FAT1: variants seen among roughly 807,000 people sequenced by gnomAD.
The protein encoded by FAT1 is FAT atypical cadherin 1, also known as protocadherin Fat 1.
Under a neutral mutation model 329.8 loss-of-function variants are expected in FAT1, and 171 were observed. That is an observed-to-expected ratio of 0.52 (90% CI 0.46 to 0.59). The LOEUF (loss-of-function observed/expected upper bound fraction) is 0.59. FAT1 is among the 20% of genes least tolerant of loss of function. FAT1 has a pLI of 0.00. For synonymous variants in FAT1, 2,233 were observed against 2,228.6 expected (o/e 1.00, Z -0.06); for missense variants, 5,672 against 5,774.4 (o/e 0.98, Z 0.57).
chr4:186,603,962 T>C lies in FAT1; in HGVS notation c.10564A>G (p.Lys3522Glu), dbSNP rs1165558068. The C allele has an allele frequency of 1.2e-6, 2 of 1,610,198 alleles. No individual in the cohort carries two copies. The highest frequency in any genetic ancestry group is 1.7e-5 in the Admixed American group (1 of 59,924). ...TATGTCAAAGATGACAACTGAGGCTTTCCATTATCTGCCACCTACAAGAAA... is the reference window on the plus strand; with the variant it reads ...TATGTCAAAGATGACAACTGAGGCTCTCCATTATCTGCCACCTACAAGAAA... ...LLQVKVADNGKPQLSSLTYID... is the reference protein window; with the variant it reads ...LLQVKVADNGEPQLSSLTYID... The change falls in exon 19 of 27, where the codon AAG becomes GAG. Residue 3522 changes from lysine (K) to glutamate (E), a missense_variant. Around this residue, in one of 2 missense-constraint regions of FAT1, gnomAD observed 1,706 missense variants for 1,859.1 expected, o/e 0.92. Coordinates refer to ENST00000441802, the MANE Select transcript of FAT1 (RefSeq NM_005245.4).
intron 11 of FAT1, among the ~76,000 whole-genome samples, chr4:186,614,622 T>C (rs1390237920): frequency 2.6e-5 from 4 of 152,340 alleles, no homozygotes; most frequent in African/African-American, 7.2e-5. Context: ...ATTAAGCTGA[T>C]TTCATATTCA....
intron 1 of FAT1, among the ~76,000 whole-genome samples, chr4:186,721,096 A>C (rs574548660): frequency 5.5e-4 from 84 of 152,248 alleles, no homozygotes; most frequent in Non-Finnish European, 1.1e-3. Context: ...TCTATGAAGG[A>C]TACAGATTAA....
chr4:186,661,255 C>T (rs1171322973), intron 3 of FAT1, among the ~76,000 whole-genome samples: 1 of 152,188 alleles, frequency 6.6e-6, no homozygotes. Context: ...GGGCCACCTG[C>T]CACTCTCCTT....
intron 2 of FAT1, among the ~76,000 whole-genome samples, chr4:186,703,554 A>C (rs1357916570): frequency 6.6e-6 from 1 of 152,250 alleles, no homozygotes; most frequent in African/African-American, 2.4e-5. Context: ...CAAAGACAAG[A>C]AGCAAACAGT....
intron 16 of FAT1, 104 bp from the exon 17 acceptor site, chr4:186,606,317 T>C: frequency 7.6e-7 from 1 of 1,309,862 alleles, no homozygotes; most frequent in Admixed American, 2.1e-5. Context: ...CCCAGTGAGC[T>C]ACCACTATCT....
intron 3 of FAT1, among the ~76,000 whole-genome samples, chr4:186,653,493 A>G (rs1195399803): frequency 6.6e-6 from 1 of 152,182 alleles, no homozygotes; most frequent in Admixed American, 6.5e-5. Context: ...CAGAAATATA[A>G]AAGTCTATCC....
intron 4 of FAT1, among the ~76,000 whole-genome samples, chr4:186,638,131 C>G (rs1056696508): frequency 6.6e-6 from 1 of 152,208 alleles, no homozygotes; most frequent in Non-Finnish European, 1.5e-5. Context: ...ACAGCCAAAT[C>G]AATGCCAGCA....
chr4:186,618,661 A>G lies in FAT1; in HGVS notation c.7925T>C (p.Val2642Ala), dbSNP rs1739853422. 6.2e-7 allele frequency: 1 copy of G among 1,613,880 alleles called. No homozygotes were observed. Among genetic ancestry groups the G allele is most frequent in the African/African-American group, 1.3e-5 (1 of 74,912 alleles). ...TYAIEADSES[V>A]KENLEINKLS... is the part of the protein sequence containing the mutation. Reference sequence around the variant, plus strand: ...TTTGTTAATTTCCAAATTCTCTTTTACACTTTCAGAGTCTGCTTCAATGGC... The same window carrying G: ...TTTGTTAATTTCCAAATTCTCTTTTGCACTTTCAGAGTCTGCTTCAATGGC... The change falls in exon 10 of 27, where the codon GTA becomes GCA. Residue 2642 changes from valine (V) to alanine (A), a missense_variant. Around this residue, in one of 2 missense-constraint regions of FAT1, gnomAD observed 3,966 missense variants for 3,915.2 expected, o/e 1.01. Transcript: ENST00000441802.
chr4:186,594,199 G>C (rs1738381480), intron 26 of FAT1, among the ~76,000 whole-genome samples: 1 of 151,926 alleles, frequency 6.6e-6, no homozygotes, highest in Non-Finnish European at 1.5e-5. Context: ...CCCAGTAGCT[G>C]GGAGTACAGG....
chr4:186,615,987 T>C (rs1739692408), intron 11 of FAT1, among the ~76,000 whole-genome samples: 1 of 152,068 alleles, frequency 6.6e-6, no homozygotes, highest in East Asian at 1.9e-4. Flanking sequence ...CAGACTCCTC[T>C]TTGCCACGGC....
rs560092755 is a variant in FAT1 at position 186,720,186 on chromosome 4, C to T, written c.-19+3478G>A. On this transcript the variant is annotated intron_variant, in intron 1 of 26. Transcript: ENST00000441802. Reference sequence around the variant, plus strand: ...TGTAACATCTTGACCTCTTCCCTTCCGAAAGATAATGCAAACATTACTATT... The same window carrying T: ...TGTAACATCTTGACCTCTTCCCTTCTGAAAGATAATGCAAACATTACTATT... Among the ~76,000 whole-genome samples the T allele has an allele frequency of 2.3e-4, 35 of 152,306 alleles. 2 individuals carry two copies. The South Asian group carries it at 3.9e-3, about 17-fold the overall frequency.
rs1181896641 is a variant in FAT1 at position 186,706,890 on chromosome 4, T to C, written c.2938A>G (p.Ser980Gly). 2.5e-6 allele frequency: 4 copies of C among 1,613,994 alleles called. No individual in the cohort carries two copies. Among genetic ancestry groups the C allele is most frequent in the Non-Finnish European group, 3.4e-6 (4 of 1,179,888 alleles). ...GEGNFDVDKL[S>G]GAVRIVQQLD... Reference sequence around the variant, plus strand: ...TGCTGGACGATCCTAACTGCTCCACTGAGTTTATCCACATCGAAGTTTCCT... The same window carrying C: ...TGCTGGACGATCCTAACTGCTCCACCGAGTTTATCCACATCGAAGTTTCCT... Residue 980 changes from serine to glycine, a missense_variant, in exon 2 of 27, where the codon AGT (serine) becomes GGT (glycine). Ser to Gly is a moderately conservative substitution (Grantham distance 56). Around this residue, in one of 2 missense-constraint regions of FAT1, gnomAD observed 3,966 missense variants for 3,915.2 expected, o/e 1.01. Coordinates refer to ENST00000441802, the MANE Select transcript of FAT1 (RefSeq NM_005245.4).
At chr4:186,720,910 T>C (rs1745443685) in intron 1 of FAT1, among the ~76,000 whole-genome samples, 1 of 152,084 alleles carries the variant, frequency 6.6e-6, no homozygotes, top group South Asian at 2.1e-4. Flanking sequence ...TAACAGAAAA[T>C]CCAGGCACAA....
intron 2 of FAT1, among the ~76,000 whole-genome samples, chr4:186,705,428 A>G (rs1744533668): frequency 6.6e-6 from 1 of 152,164 alleles, no homozygotes; most frequent in South Asian, 2.1e-4. Flanking sequence ...CAGATTTATA[A>G]AGTACACATG....
intron 2 of FAT1, among the ~76,000 whole-genome samples, chr4:186,673,713 TATTA>T (rs1444501035): frequency 1.3e-5 from 2 of 152,232 alleles, no homozygotes; most frequent in African/African-American, 4.8e-5. Flanking sequence ...TAAAACGTAG[TATTA>T]ATTAAGTACA....
At chr4:186,643,077 T>G (rs1378219110) in intron 3 of FAT1, among the ~76,000 whole-genome samples, 1 of 152,182 alleles carries the variant, frequency 6.6e-6, no homozygotes, top group African/African-American at 2.4e-5. Flanking sequence ...ACCACTAGCC[T>G]CCTGAGACCA....
At position 186,603,792 on chromosome 4, in the gene FAT1, T is replaced by C. The variant is rs1174690336; in HGVS notation, c.10734A>G (p.Leu3578=). The change falls in exon 19 of 27, where the codon CTA becomes CTG. Residue 3578 remains leucine (L), a synonymous_variant. Transcript: ENST00000441802. ...CCATCTGAGGGTCGAGACTGTAGGT[T>C]AGAGTATCATACACGTCCTGGTCTG... ...HATDQDVYDT[L]TYSLDPQMDN... The C allele has an allele frequency of 3.1e-6, 5 of 1,613,942 alleles. No homozygotes were observed. Among genetic ancestry groups the C allele is most frequent in the East Asian group, 4.5e-5 (2 of 44,858 alleles).
chr4:186,597,359 CAT>C (rs368039913), intron 24 of FAT1, 188 bp from the exon 25 acceptor site: 17 of 623,144 alleles, frequency 2.7e-5, no homozygotes, highest in African/African-American at 2.0e-4. Flanking sequence ...AGAAACCAAT[CAT>C]GTGATCGCAT....
chr4:186,604,694 A>C (rs1297978436), intron 17 of FAT1, 120 bp from the exon 18 acceptor site: 1 of 621,852 alleles, frequency 1.6e-6, no homozygotes, highest in African/African-American at 1.9e-5. Context: ...TTTCTGCTCT[A>C]TCTGAAAGGA....
Sources: gnomAD v4.1 joint callset for allele counts (sites outside exome capture counted in the v4.1 genomes callset) on GRCh38, gnomAD v4.1.1 for gene constraint, gnomAD v4.1.1 regional missense constraint, MANE v1.5 for transcripts, NCBI Gene and HGNC (gene_info 2026-07-23, HGNC 2026-07-21) for gene names.